The following TOPAZ1 variants were observed in gnomAD, a reference collection of about 807,000 sequenced individuals.
The protein encoded by TOPAZ1 is protein TOPAZ1.
Under a neutral mutation model 172.2 loss-of-function variants are expected in TOPAZ1, and 66 were observed. The observed-to-expected ratio is 0.38, with a 90% CI of 0.31 to 0.47. The LOEUF (loss-of-function observed/expected upper bound fraction) is 0.47. Among genes scored for constraint, TOPAZ1 ranks in the 20% least tolerant of loss-of-function variants. The probability of loss-of-function intolerance (pLI) is 0.99; values close to 1 mark genes in which losing one functional copy is unlikely to be tolerated. For synonymous variants in TOPAZ1, 681 were observed against 683.9 expected, an observed-to-expected ratio of 1.00 and a Z score of 0.07; for missense variants, 1,822 against 1,972.4, an observed-to-expected ratio of 0.92 and a Z score of 1.44.
chr3:44,256,236 A>G lies in TOPAZ1; in HGVS notation c.2913A>G (p.Gly971=). The change falls in exon 4 of 20, where the codon GGA becomes GGG. Residue 971 remains glycine (G), a synonymous_variant. Transcript: ENST00000309765. The part of the protein sequence containing the change: ...ANETSENETL[G]DFSEQIKGSD... ...AGACCTCTGAAAATGAAACACTGGG[A>G]GACTTCAGTGAACAAATAAAAGGTT... The G allele has an allele frequency of 6.5e-7, 1 of 1,535,980 alleles. No homozygotes were observed. Among genetic ancestry groups the G allele is most frequent in the Non-Finnish European group, 8.8e-7 (1 of 1,142,674 alleles).
In TOPAZ1 at chr3:44,269,297, T is replaced by C. The variant is rs1215740353; in HGVS notation, c.3242T>C (p.Val1081Ala). The C allele has an allele frequency of 6.5e-7, 1 of 1,531,478 alleles. No individual in the cohort carries two copies. The highest frequency in any genetic ancestry group is 8.9e-7 in the Non-Finnish European group (1 of 1,128,732). 94.9% of individuals were successfully genotyped at this position (1,531,478 alleles called of 1,614,324 possible). Residue 1081 changes from valine (V) to alanine (A), a missense_variant, in exon 7 of 20, where the codon GTG (valine) becomes GCG (alanine). Physicochemically the swap from Val to Ala is moderately conservative, Grantham distance 64. Around this residue, in one of 2 missense-constraint regions of TOPAZ1, gnomAD observed 1,489 missense variants for 1,490.8 expected, o/e 1.00. Transcript: ENST00000309765. Reference sequence around the variant, plus strand: ...GAAATATTCAAGAGGGAAAAAAATGTGGGGGTAAGTCTACTTTAAAAAATA... The same window carrying C: ...GAAATATTCAAGAGGGAAAAAAATGCGGGGGTAAGTCTACTTTAAAAAATA... ...TCEIFKREKNVGVFQKSLGLM... is the reference protein window; with the variant it reads ...TCEIFKREKNAGVFQKSLGLM...
At chr3:44,268,498 C>T (rs934101127) in intron 6 of TOPAZ1, among the ~76,000 whole-genome samples, 2 of 150,554 alleles carry the variant, frequency 1.3e-5, no homozygotes, top group African/African-American at 4.9e-5. Flanking sequence ...CTCAGCCTCT[C>T]GAGTAGCTGG....
intron 12 of TOPAZ1, among the ~76,000 whole-genome samples, chr3:44,301,396 A>G (rs889887241): frequency 3.3e-5 from 5 of 152,204 alleles, no homozygotes; most frequent in Non-Finnish European, 5.9e-5. Flanking sequence ...GAAGATAAGT[A>G]TATAACTTAT....
At position 44,243,287 on chromosome 3, in the gene TOPAZ1, A is replaced by G; in HGVS notation, c.781A>G (p.Lys261Glu). The G allele has an allele frequency of 6.4e-7, 1 of 1,551,572 alleles. No individual in the cohort carries two copies. The highest frequency in any genetic ancestry group is 1.2e-5 in the South Asian group (1 of 84,038). ...GCMHVAENFS[K>E]KENLRSLAEK... ...TATGCATGTAGCAGAAAATTTCTCA[A>G]AGAAAGAAAACCTTAGGAGTCTTGC... is the stretch of plus-strand genomic sequence containing the variant. Residue 261 changes from lysine to glutamate, a missense_variant, in exon 2 of 20, where the codon AAG (lysine) becomes GAG (glutamate). Lys to Glu is a moderately conservative substitution (Grantham distance 56). Around this residue, in one of 2 missense-constraint regions of TOPAZ1, gnomAD observed 1,489 missense variants for 1,490.8 expected, o/e 1.00. Transcript: ENST00000309765.
At chr3:44,257,935 T>G (rs1699733065) in intron 4 of TOPAZ1, among the ~76,000 whole-genome samples, 1 of 152,142 alleles carries the variant, frequency 6.6e-6, no homozygotes, top group Non-Finnish European at 1.5e-5. Context: ...TTTGGCATTT[T>G]AAAATGAAGA....
intron 1 of TOPAZ1, among the ~76,000 whole-genome samples, 160 bp from the exon 2 acceptor site, chr3:44,242,693 T>A (rs180850101): frequency 1.3e-5 from 2 of 152,224 alleles, no homozygotes; most frequent in Non-Finnish European, 2.9e-5. Context: ...ATGTAATTCC[T>A]TAACAGAAAT....
chr3:44,276,092 C>T (rs1042453965), intron 8 of TOPAZ1, among the ~76,000 whole-genome samples: 3 of 152,110 alleles, frequency 2.0e-5, no homozygotes, highest in African/African-American at 7.2e-5. Flanking sequence ...CTTGTATATT[C>T]TGGATATTAG....
chr3:44,328,009 G>A (rs947819864), intron 18 of TOPAZ1, among the ~76,000 whole-genome samples: 1 of 152,186 alleles, frequency 6.6e-6, no homozygotes, highest in Non-Finnish European at 1.5e-5. Flanking sequence ...CTCCCAAAGT[G>A]CTGGGATTAC....
chr3:44,289,851 A>G (rs1376819182), intron 11 of TOPAZ1, among the ~76,000 whole-genome samples: 1 of 152,192 alleles, frequency 6.6e-6, no homozygotes, highest in African/African-American at 2.4e-5. Context: ...AACATTCAAA[A>G]TATATTTTGA....
chr3:44,295,356 C>G (rs1233775238), intron 12 of TOPAZ1, among the ~76,000 whole-genome samples: 6 of 152,074 alleles, frequency 3.9e-5, no homozygotes, highest in African/African-American at 1.4e-4. Flanking sequence ...CAATGAAGTA[C>G]TTTGCAGCCA....
intron 9 of TOPAZ1, among the ~76,000 whole-genome samples, chr3:44,284,749 T>C (rs974692261): frequency 6.6e-6 from 1 of 152,242 alleles, no homozygotes; most frequent in Non-Finnish European, 1.5e-5. Context: ...CTATTTAGCA[T>C]ATACCAGAAT....
At chr3:44,267,685 T>C (rs114533735) in intron 6 of TOPAZ1, among the ~76,000 whole-genome samples, 6,034 of 152,306 alleles carry the variant, frequency 0.04, 168 homozygotes, top group Middle Eastern at 0.058. Context: ...ATCTAAAATA[T>C]ATTTTGATGG....
intron 19 of TOPAZ1, among the ~76,000 whole-genome samples, chr3:44,330,431 C>T (rs970192411): frequency 6.6e-5 from 10 of 152,168 alleles, no homozygotes; most frequent in Non-Finnish European, 1.3e-4. Context: ...TCATGCTAAG[C>T]CCTGCCTTGT....
At chr3:44,269,051 G>A (rs937999189) in intron 6 of TOPAZ1, among the ~76,000 whole-genome samples, 165 bp from the exon 7 acceptor site, 1 of 152,084 alleles carries the variant, frequency 6.6e-6, no homozygotes, top group South Asian at 2.1e-4. Flanking sequence ...GATGTATATC[G>A]TACTATATTT....
chr3:44,253,183 C>T (rs11915730), intron 2 of TOPAZ1, among the ~76,000 whole-genome samples: 27,948 of 152,152 alleles, frequency 0.18, 2,793 homozygotes, highest in Middle Eastern at 0.3. Flanking sequence ...ACATGAGGAG[C>T]TGTTAATAAT....
chr3:44,264,596 GACA>G (rs1173652887), intron 5 of TOPAZ1, among the ~76,000 whole-genome samples: 3 of 152,284 alleles, frequency 2.0e-5, no homozygotes, highest in Non-Finnish European at 4.4e-5. Context: ...CTTAAAATAA[GACA>G]ACAATGAAGT....
chr3:44,335,978 C>A (rs931079199), downstream of TOPAZ1, among the ~76,000 whole-genome samples: 3 of 152,150 alleles, frequency 2.0e-5, no homozygotes, highest in African/African-American at 7.2e-5. Flanking sequence ...ACTACAAAGG[C>A]TTTTTCACTG....
At chr3:44,303,967 C>T in intron 12 of TOPAZ1, 48 bp from the exon 13 acceptor site, 1 of 1,158,126 alleles carries the variant, frequency 8.6e-7, no homozygotes. Flanking sequence ...GCAGCAGTGA[C>T]TTTTAAGGGG....
At chr3:44,268,300 C>G (rs1175561454) in intron 6 of TOPAZ1, among the ~76,000 whole-genome samples, 2 of 149,964 alleles carry the variant, frequency 1.3e-5, no homozygotes, top group Non-Finnish European at 3.0e-5. Context: ...TACCTTCTTG[C>G]TAAGTCCTCA....
Sources: allele counts gnomAD v4.1 joint callset (sites outside exome capture counted in the v4.1 genomes callset), GRCh38; gene constraint gnomAD v4.1.1; regional missense constraint gnomAD v4.1.1; transcripts MANE v1.5; gene names NCBI Gene and HGNC (gene_info 2026-07-23, HGNC 2026-07-21).